Variants in FGF14 observed in about 807,000 individuals in gnomAD.
FGF14 encodes fibroblast growth factor 14, also known as fibroblast growth factor homologous factor 4.
A neutral mutation model predicts 25.5 loss-of-function variants in FGF14; 5 were observed. The ratio of observed to expected loss-of-function variants is 0.20; its 90% confidence interval spans 0.10 to 0.41. The LOEUF is 0.41. FGF14 is among the 10% of genes least tolerant of loss of function. The pLI, the probability that FGF14 is intolerant of heterozygous loss-of-function variation, is 1.00. For synonymous variants in FGF14, 138 were observed against 118.3 expected, an observed-to-expected ratio of 1.17 and a Z score of -1.08; for missense variants, 222 against 320.1, an observed-to-expected ratio of 0.69 and a Z score of 2.34.
At chr13:102,401,752 A>T in exon 1 of FGF14, 1 of 1,267,028 alleles carries the variant, frequency 7.9e-7, no homozygotes, top group Non-Finnish European at 1.1e-6. Flanking sequence ...GAGACTTCTC[A>T]GTGATTGTTT....
chr13:102,305,366 T>C (rs2055317579), intron 1 of FGF14, among the ~76,000 whole-genome samples: 1 of 152,188 alleles, frequency 6.6e-6, no homozygotes, highest in South Asian at 2.1e-4. Flanking sequence ...AGCATAATTT[T>C]CTGCTGTTAA....
chr13:102,228,011 T>C (rs2050907466), intron 1 of FGF14, among the ~76,000 whole-genome samples: 1 of 152,210 alleles, frequency 6.6e-6, no homozygotes, highest in African/African-American at 2.4e-5. Context: ...TACTCTTCAT[T>C]CCTCATTGAA....
In FGF14 at chr13:101,968,522, A is replaced by C. The variant is rs543857272; in HGVS notation, c.209-93226T>G. On this transcript the variant is annotated intron_variant, in intron 1 of 4. Coordinates refer to the FGF14 transcript ENST00000376131. Reference sequence around the variant, plus strand: ...CCCCGTCTCCACTAAAAATACAAAAAATTAGCCAGGCGTGGTGGCAGGCGC... The same window carrying C: ...CCCCGTCTCCACTAAAAATACAAAACATTAGCCAGGCGTGGTGGCAGGCGC... Among the ~76,000 whole-genome samples, 3 of 151,872 alleles carry C rather than the reference A, an allele frequency of 2.0e-5. No homozygotes were observed. The South Asian group carries it at 6.3e-4, about 32-fold the overall frequency.
At chr13:102,022,335 T>C (rs966829665) in intron 1 of FGF14, among the ~76,000 whole-genome samples, 21 of 152,164 alleles carry the variant, frequency 1.4e-4, no homozygotes, top group Admixed American at 5.9e-4. Flanking sequence ...TTAGGGGCAA[T>C]TGGAAGATTT....
At chr13:101,902,632 C>A (rs1019653078) in intron 1 of FGF14, among the ~76,000 whole-genome samples, 5 of 152,102 alleles carry the variant, frequency 3.3e-5, no homozygotes, top group African/African-American at 1.2e-4. Context: ...AATGCAAGCG[C>A]CAGTAAGTGC....
chr13:102,366,368 T>A (rs913809771), intron 1 of FGF14: 1 of 152,208 alleles, frequency 6.6e-6, no homozygotes, highest in African/African-American at 2.4e-5. Flanking sequence ...GTCAAGATGC[T>A]GAATTATAAT....
At chr13:102,211,799 C>A (rs1193006932) in intron 1 of FGF14, among the ~76,000 whole-genome samples, 1 of 152,166 alleles carries the variant, frequency 6.6e-6, no homozygotes, top group Non-Finnish European at 1.5e-5. Context: ...GAATAATTTG[C>A]CAAACAGAGC....
At chr13:102,070,722 C>A (rs973223938) in intron 1 of FGF14, among the ~76,000 whole-genome samples, 1 of 152,094 alleles carries the variant, frequency 6.6e-6, no homozygotes, top group Non-Finnish European at 1.5e-5. Flanking sequence ...TGAACTAAAC[C>A]AGTGAGTTTT....
At chr13:101,914,196 T>C (rs1045770948) in intron 1 of FGF14, among the ~76,000 whole-genome samples, 4 of 151,206 alleles carry the variant, frequency 2.6e-5, no homozygotes, top group Admixed American at 1.3e-4. Context: ...CTTAATTAAA[T>C]GAATAATTAT....
intron 1 of FGF14, among the ~76,000 whole-genome samples, chr13:102,078,886 A>G (rs74827522): frequency 0.011 from 1,673 of 152,296 alleles, 25 homozygotes; most frequent in African/African-American, 0.038. Flanking sequence ...GTGTAGAGAA[A>G]GTGGCAAGGT....
chr13:101,916,536 C>A lies in FGF14; in HGVS notation c.110G>T (p.Arg37Leu), dbSNP rs146302373. ...SRRRSSPSKNRGLCNGNLVDI... is the reference protein window; with the variant it reads ...SRRRSSPSKNLGLCNGNLVDI... ...CACCAGGTTGCCGTTGCAGAGCCCG[C>A]GGTTCTTGCTGGGGCTGCTCCGCCT... The change falls in exon 1 of 5, where the codon CGC becomes CTC. Residue 37 changes from arginine to leucine, a missense_variant. Transcript: ENST00000376143. 3 of 1,613,572 alleles carry A rather than the reference C, an allele frequency of 1.9e-6. No homozygotes were observed. The highest frequency in any genetic ancestry group is 1.1e-5 in the South Asian group (1 of 91,088).
chr13:102,194,034 A>G (rs1171278715), intron 1 of FGF14, among the ~76,000 whole-genome samples: 2 of 152,162 alleles, frequency 1.3e-5, no homozygotes, highest in African/African-American at 4.8e-5. Context: ...CCATGAATAC[A>G]CATTTAAAGA....
chr13:101,850,026 T>C (rs1234176326), intron 3 of FGF14, among the ~76,000 whole-genome samples: 1 of 151,712 alleles, frequency 6.6e-6, no homozygotes, highest in Non-Finnish European at 1.5e-5. Context: ...ATGAGATTTA[T>C]AAGAAGCAAA....
At chr13:102,291,231 T>C (rs759570705) in intron 1 of FGF14, among the ~76,000 whole-genome samples, 1 of 152,232 alleles carries the variant, frequency 6.6e-6, no homozygotes. Context: ...TTATAAATTA[T>C]CTACATTCCT....
At chr13:102,033,443 C>G (rs1289785582) in intron 1 of FGF14, among the ~76,000 whole-genome samples, 1 of 151,996 alleles carries the variant, frequency 6.6e-6, no homozygotes, top group Non-Finnish European at 1.5e-5. Context: ...AAAAGAACAC[C>G]AAGCTTAACA....
At chr13:101,883,934 G>A (rs1454598645) in intron 1 of FGF14, among the ~76,000 whole-genome samples, 1 of 149,570 alleles carries the variant, frequency 6.7e-6, no homozygotes, top group Non-Finnish European at 1.5e-5. Context: ...GTGGTGGCAT[G>A]TGCCTGTAAT....
intron 1 of FGF14, among the ~76,000 whole-genome samples, chr13:102,030,726 G>A (rs1049773124): frequency 1.3e-5 from 2 of 151,998 alleles, no homozygotes; most frequent in African/African-American, 4.8e-5. Context: ...GGACTTCGGG[G>A]AAGCCTAGAG....
chr13:101,729,396 A>C (rs983658604), intron 3 of FGF14, among the ~76,000 whole-genome samples: 2 of 152,120 alleles, frequency 1.3e-5, no homozygotes. Context: ...ATGGAAGTTG[A>C]GGTTAGTTGC....
intron 1 of FGF14, among the ~76,000 whole-genome samples, chr13:102,358,007 T>C (rs2057465136): frequency 6.6e-6 from 1 of 152,218 alleles, no homozygotes; most frequent in Admixed American, 6.5e-5. Context: ...AGATTATTTC[T>C]ATTTTGACCA....
Sources: allele counts gnomAD v4.1 joint callset (sites outside exome capture counted in the v4.1 genomes callset), GRCh38; gene constraint gnomAD v4.1.1; transcripts MANE v1.5; gene names NCBI Gene and HGNC (gene_info 2026-07-23, HGNC 2026-07-21).